The following BRCC3 variants were observed in gnomAD, a reference collection of about 807,000 sequenced individuals.
The protein encoded by BRCC3 is lys-63-specific deubiquitinase BRCC36.
BRCC3 carries 15 observed loss-of-function variants against 28.0 expected under a neutral mutation model. The ratio of observed to expected loss-of-function variants is 0.54; its 90% CI spans 0.36 to 0.82. BRCC3 has a LOEUF of 0.82. Ranked by LOEUF, BRCC3 falls within the 40% of genes least tolerant of loss-of-function variation. The probability of loss-of-function intolerance (pLI) is 0.01; values close to 1 mark genes in which losing one functional copy is unlikely to be tolerated. For missense variants in BRCC3, 109 were observed against 225.9 expected (o/e 0.48, Z 3.32); for synonymous variants, 66 against 80.3 (o/e 0.82, Z 0.95).
In BRCC3 at chrX:155,102,010, C is replaced by T. The variant is rs1296818463; in HGVS notation, c.548+11171C>T. Reference sequence around the variant, plus strand: ...TATCAATAGTCTGTCCTTTTTATTACAGAATAATATTAAATTGTATAAATA... The same window carrying T: ...TATCAATAGTCTGTCCTTTTTATTATAGAATAATATTAAATTGTATAAATA... On this transcript the variant is annotated intron_variant, in intron 7 of 10. Coordinates refer to ENST00000330045, the MANE Select transcript of BRCC3 (RefSeq NM_001018055.3). Among the ~76,000 whole-genome samples, 7 of 112,400 alleles carry T rather than the reference C, an allele frequency of 6.2e-5. No individual in the cohort carries two copies. In the East Asian group the frequency reaches 1.9e-3, roughly 31 times the overall value.
chrX:155,090,101 C>T (rs111606806), intron 6 of BRCC3, among the ~76,000 whole-genome samples: 79 of 112,126 alleles, frequency 7.0e-4, no homozygotes, highest in African/African-American at 2.6e-3. Context: ...TGCTGTAACC[C>T]TGACAAAAAC....
intron 3 of BRCC3, among the ~76,000 whole-genome samples, chrX:155,076,828 C>T (rs2074048393): frequency 8.9e-6 from 1 of 112,011 alleles, no homozygotes; most frequent in Non-Finnish European, 1.9e-5. Context: ...TCAACCATGT[C>T]GTTAGCACAT....
rs184550053 is a variant in BRCC3 at position 155,109,252 on chromosome X, C to T, written c.549-6805C>T. Among the ~76,000 whole-genome samples the T allele has an allele frequency of 3.4e-3, 380 of 111,491 alleles. 3 individuals carry two copies. Among genetic ancestry groups the T allele is most frequent in the African/African-American group, 0.012 (359 of 30,780 alleles). ...TTGATGATATGCGGTAACATTAGTT[C>T]TCCCCTTTGTTGTTATTCTTCAAGA... On this transcript the variant is annotated intron_variant, in intron 7 of 10. Coordinates refer to ENST00000330045, the MANE Select transcript of BRCC3 (RefSeq NM_001018055.3).
At chrX:155,098,790 C>A (rs2053781) in intron 7 of BRCC3, among the ~76,000 whole-genome samples, 1,342 of 112,174 alleles carry the variant, frequency 0.012, 21 homozygotes, top group African/African-American at 0.04. Context: ...TTCCTTATAT[C>A]CCCGTCAGAA....
intron 7 of BRCC3, among the ~76,000 whole-genome samples, chrX:155,100,112 C>T (rs1289237246): frequency 9.0e-6 from 1 of 111,494 alleles, no homozygotes; most frequent in Non-Finnish European, 1.9e-5. Flanking sequence ...CCAGATTCCC[C>T]AAATGTTGGT....
chrX:155,119,003 C>T (rs2074374008), intron 9 of BRCC3, among the ~76,000 whole-genome samples: 1 of 111,481 alleles, frequency 9.0e-6, no homozygotes, highest in Non-Finnish European at 1.9e-5. Context: ...GAATTTTTTT[C>T]AGACTCTAGG....
At chrX:155,093,376 A>G (rs137864088) in intron 7 of BRCC3, among the ~76,000 whole-genome samples, 12 of 109,889 alleles carry the variant, frequency 1.1e-4, no homozygotes, top group Non-Finnish European at 1.3e-4. Flanking sequence ...CATTCCTTCA[A>G]TTACTTCCGT....
intron 7 of BRCC3, among the ~76,000 whole-genome samples, chrX:155,112,001 T>A (rs2074325226): frequency 8.9e-6 from 1 of 111,882 alleles, no homozygotes; most frequent in Admixed American, 9.4e-5. Flanking sequence ...AGGCACAGTA[T>A]GAGATTAACA....
chrX:155,073,892 C>T (rs2074008303), intron 3 of BRCC3, among the ~76,000 whole-genome samples: 1 of 111,797 alleles, frequency 8.9e-6, no homozygotes, highest in Non-Finnish European at 1.9e-5. Flanking sequence ...ATGCTCTAGC[C>T]TTGATGGTCT....
chrX:155,088,928 CA>C (rs2074154738), intron 5 of BRCC3, among the ~76,000 whole-genome samples: 1 of 111,921 alleles, frequency 8.9e-6, no homozygotes, highest in Non-Finnish European at 1.9e-5. Context: ...AGCTGTCCAT[CA>C]AAAGGCTTTT....
intron 3 of BRCC3, among the ~76,000 whole-genome samples, chrX:155,074,060 T>A (rs1006916202): frequency 8.9e-6 from 1 of 112,005 alleles, no homozygotes; most frequent in Non-Finnish European, 1.9e-5. Context: ...TTACTACTAG[T>A]TACAAACTTC....
At chrX:155,117,344 A>C (rs1369244652) in intron 9 of BRCC3, among the ~76,000 whole-genome samples, 1 of 111,982 alleles carries the variant, frequency 8.9e-6, no homozygotes, top group Admixed American at 9.4e-5. Flanking sequence ...CAAAGGAACA[A>C]AAAGCTGAAT....
chrX:155,092,776 C>T (rs782083202), intron 7 of BRCC3, among the ~76,000 whole-genome samples: 1 of 111,123 alleles, frequency 9.0e-6, no homozygotes, highest in East Asian at 2.8e-4. Context: ...TCATTATTCT[C>T]CTGGGTTGGA....
At position 155,073,363 on chromosome X, in the gene BRCC3, T is replaced by C; in HGVS notation, c.141-14T>C. 1 of 1,159,832 alleles carries C rather than the reference T, an allele frequency of 8.6e-7. No homozygotes were observed. Among genetic ancestry groups the C allele is most frequent in the Admixed American group, 2.6e-5 (1 of 38,038 alleles). On this transcript the variant is annotated splice_polypyrimidine_tract_variant and intron_variant, in intron 2 of 10. Coordinates refer to ENST00000330045, the MANE Select transcript of BRCC3 (RefSeq NM_001018055.3). ...CCCCACTTCCTTTTTTTTTTTCTAA[T>C]TTATTCCCAGTAGGAGTGACTCCAA...
chrX:155,116,941 C>T (rs1324615072), intron 9 of BRCC3, among the ~76,000 whole-genome samples, 187 bp downstream of exon 9: 1 of 111,872 alleles, frequency 8.9e-6, no homozygotes, highest in Admixed American at 9.5e-5. Context: ...TCCATGAATA[C>T]TATAAATACA....
At chrX:155,075,298 CCCT>C (rs1557293395) in intron 3 of BRCC3, among the ~76,000 whole-genome samples, 4,451 of 53,291 alleles carry the variant, frequency 0.084, 100 homozygotes, top group African/African-American at 0.13. Context: ...TTTCCCCTGG[CCCT>C]TCTTGTTCTT....
intron 7 of BRCC3, among the ~76,000 whole-genome samples, chrX:155,102,761 C>T (rs2074254242): frequency 8.9e-6 from 1 of 111,874 alleles, no homozygotes; most frequent in Admixed American, 9.5e-5. Flanking sequence ...TTCTTCAATT[C>T]CTGGATTGAT....
intron 7 of BRCC3, among the ~76,000 whole-genome samples, chrX:155,109,881 T>C (rs1430859419): frequency 8.9e-6 from 1 of 112,066 alleles, no homozygotes; most frequent in Non-Finnish European, 1.9e-5. Context: ...ATTTAGCTTT[T>C]CTGTAGTTAG....
chrX:155,083,298 A>G (rs1008024573), intron 5 of BRCC3, among the ~76,000 whole-genome samples: 2 of 111,176 alleles, frequency 1.8e-5, no homozygotes, highest in African/African-American at 3.3e-5. Context: ...GCAAAGGCAA[A>G]CCCTTTCATT....
Sources: gnomAD v4.1 joint callset for allele counts (sites outside exome capture counted in the v4.1 genomes callset) on GRCh38, gnomAD v4.1.1 for gene constraint, MANE v1.5 for transcripts, NCBI Gene and HGNC (gene_info 2026-07-23, HGNC 2026-07-21) for gene names.